Variants in KCTD3 observed in about 807,000 individuals in gnomAD.
KCTD3 encodes BTB/POZ domain-containing protein KCTD3.
KCTD3 carries 41 observed loss-of-function variants against 85.8 expected under a neutral mutation model. The ratio of observed to expected loss-of-function variants is 0.48; its 90% confidence interval spans 0.37 to 0.62. KCTD3 has a LOEUF of 0.62. Ranked by LOEUF, KCTD3 falls within the 20% of genes least tolerant of loss-of-function variation. The probability of loss-of-function intolerance (pLI) is 0.00; values close to 1 mark genes in which losing one functional copy is unlikely to be tolerated. For synonymous variants in KCTD3, 338 were observed against 345.4 expected, an observed-to-expected ratio of 0.98 and a Z score of 0.24; for missense variants, 724 against 989.9, an observed-to-expected ratio of 0.73 and a Z score of 3.60.
intron 9 of KCTD3, among the ~76,000 whole-genome samples, chr1:215,591,287 TTTCCTTCC>T (rs10592000): frequency 0.16 from 17,411 of 110,920 alleles, 1,573 homozygotes; most frequent in African/African-American, 0.23. Context: ...TCCTTCCTTC[TTTCCTTCC>T]TTCCTTCCTT....
At position 215,616,007 on chromosome 1, in the gene KCTD3, G is replaced by T. The variant is rs114729934; in HGVS notation, c.1563-2879G>T. Among the ~76,000 whole-genome samples, 663 of 152,262 alleles carry T rather than the reference G, an allele frequency of 4.4e-3. 6 individuals are homozygous for T. The highest frequency in any genetic ancestry group is 0.015 in the African/African-American group (621 of 41,552). ...TAGTGAGGGCCTTAATTTCTTTATG[G>T]CTAGCTGTTCACAGAAAGATAGGGA... On this transcript the variant is annotated intron_variant, in intron 15 of 17. Coordinates refer to ENST00000259154, the MANE Select transcript of KCTD3 (RefSeq NM_016121.5).
intron 12 of KCTD3, 145 bp downstream of exon 12, chr1:215,602,346 T>C: frequency 4.2e-6 from 2 of 478,160 alleles, no homozygotes; most frequent in Non-Finnish European, 7.5e-6. Context: ...AGTCTAAAAT[T>C]TGTATTCAGT....
intron 9 of KCTD3, among the ~76,000 whole-genome samples, chr1:215,590,127 T>A (rs1660156093): frequency 6.6e-6 from 1 of 152,192 alleles, no homozygotes; most frequent in Non-Finnish European, 1.5e-5. Context: ...GAGCCATTAT[T>A]GTGGATTTTA....
At chr1:215,618,801 C>T (rs1284904384) in intron 15 of KCTD3, 85 bp from the exon 16 acceptor site, 4 of 1,012,724 alleles carry the variant, frequency 3.9e-6, no homozygotes, top group African/African-American at 3.3e-5. Context: ...TGTTTGCTTT[C>T]TTTCTTTCTG....
chr1:215,582,145 A>G (rs988698493), intron 8 of KCTD3, among the ~76,000 whole-genome samples: 28 of 152,130 alleles, frequency 1.8e-4, no homozygotes, highest in Non-Finnish European at 5.9e-5. Context: ...GTGGTATGAG[A>G]TTTAAGGATT....
At chr1:215,588,790 A>C (rs1660111448) in intron 9 of KCTD3, among the ~76,000 whole-genome samples, 1 of 152,174 alleles carries the variant, frequency 6.6e-6, no homozygotes, top group African/African-American at 2.4e-5. Context: ...GTCCAGCCAC[A>C]TCTATATATT....
Position 215,567,577 on chromosome 1 carries a change from CGCCGCCCCGCTGGCCCTGCA to C in KCTD3, c.-104_-85del. The C allele has an allele frequency of 1.8e-6, 1 of 565,966 alleles. No individual in the cohort carries two copies. Among genetic ancestry groups the C allele is most frequent in the Non-Finnish European group, 2.5e-6 (1 of 397,166 alleles). 35.1% of individuals were successfully genotyped at this position (565,966 alleles called of 1,614,324 possible). ...CGTGCACCCCCCGCCCTCCGGCCGC[CGCCGCCCCGCTGGCCCTGCA>C]GCCGTCGCCGCTGCCTCGGGCTACA... On this transcript the variant is annotated 5_prime_UTR_variant, in exon 1 of 18. Coordinates refer to ENST00000259154, the MANE Select transcript of KCTD3 (RefSeq NM_016121.5).
intron 12 of KCTD3, among the ~76,000 whole-genome samples, chr1:215,602,818 G>C (rs983775663): frequency 5.9e-5 from 9 of 152,150 alleles, no homozygotes; most frequent in African/African-American, 2.2e-4. Flanking sequence ...AATAGGTTTG[G>C]ATGTGCTACT....
chr1:215,609,681 G>A (rs1021353938), intron 14 of KCTD3, among the ~76,000 whole-genome samples: 4 of 151,898 alleles, frequency 2.6e-5, no homozygotes, highest in Admixed American at 6.6e-5. Flanking sequence ...GCATGAGAGA[G>A]GAAGGAGTCT....
At chr1:215,582,761 C>T (rs949037012) in intron 8 of KCTD3, among the ~76,000 whole-genome samples, 3 of 152,024 alleles carry the variant, frequency 2.0e-5, no homozygotes, top group Admixed American at 2.0e-4. Flanking sequence ...GGGGTTTCAC[C>T]ATGTTGGCCA....
chr1:215,595,772 G>A (rs1660394995), intron 10 of KCTD3, among the ~76,000 whole-genome samples: 1 of 152,086 alleles, frequency 6.6e-6, no homozygotes, highest in Non-Finnish European at 1.5e-5. Flanking sequence ...CAGAATAGGA[G>A]CACAGATCTG....
intron 9 of KCTD3, among the ~76,000 whole-genome samples, chr1:215,590,075 C>T (rs1193090381): frequency 1.3e-5 from 2 of 152,096 alleles, no homozygotes; most frequent in African/African-American, 4.8e-5. Context: ...CCAGGTTCTC[C>T]ACATCCTAAT....
chr1:215,574,680 T>A (rs1258216376), intron 3 of KCTD3, among the ~76,000 whole-genome samples: 3 of 152,196 alleles, frequency 2.0e-5, no homozygotes, highest in South Asian at 2.1e-4. Flanking sequence ...TATGTCCATG[T>A]GAAATTATAA....
At chr1:215,584,048 A>G (rs1659924423) in intron 8 of KCTD3, among the ~76,000 whole-genome samples, 1 of 152,188 alleles carries the variant, frequency 6.6e-6, no homozygotes, top group East Asian at 1.9e-4. Context: ...GCTGATATGG[A>G]GTTGGAACCA....
chr1:215,611,945 T>C, intron 15 of KCTD3, 24 bp downstream of exon 15: 1 of 1,481,426 alleles, frequency 6.8e-7, no homozygotes, highest in Non-Finnish European at 9.4e-7. Context: ...GTAAAAATAT[T>C]TGTATTCAGA....
At chr1:215,611,785 A>G (rs1382977608) in intron 14 of KCTD3, 40 bp from the exon 15 acceptor site, 7 of 1,307,656 alleles carry the variant, frequency 5.4e-6, no homozygotes, top group Non-Finnish European at 7.5e-6. Context: ...AAAAAATAAA[A>G]TTTTAATTAA....
chr1:215,596,216 T>A (rs965780369), intron 10 of KCTD3, among the ~76,000 whole-genome samples: 1 of 152,298 alleles, frequency 6.6e-6, no homozygotes, highest in African/African-American at 2.4e-5. Context: ...GCTAGTAGTA[T>A]TTTGAATTGA....
intron 8 of KCTD3, among the ~76,000 whole-genome samples, chr1:215,583,543 G>A (rs1024867873): frequency 2.6e-5 from 4 of 152,130 alleles, no homozygotes; most frequent in African/African-American, 9.7e-5. Context: ...TTTACCTTGT[G>A]CTGACCTTCC....
intron 14 of KCTD3, among the ~76,000 whole-genome samples, chr1:215,609,677 G>A (rs1208421395): frequency 6.6e-6 from 1 of 151,938 alleles, no homozygotes; most frequent in Admixed American, 6.6e-5. Context: ...GCAGGCATGA[G>A]AGAGGAAGGA....
Sources: allele counts gnomAD v4.1 joint callset (sites outside exome capture counted in the v4.1 genomes callset), GRCh38; gene constraint gnomAD v4.1.1; transcripts MANE v1.5; gene names NCBI Gene and HGNC (gene_info 2026-07-23, HGNC 2026-07-21).